GDPD1: variants seen among roughly 807,000 people sequenced by gnomAD.
The protein encoded by GDPD1 is lysophospholipase D GDPD1.
A neutral mutation model predicts 45.1 loss-of-function variants in GDPD1; 28 were observed. The ratio of observed to expected loss-of-function variants is 0.62; its 90% CI spans 0.46 to 0.85. The LOEUF (loss-of-function observed/expected upper bound fraction) is 0.85, where lower values mean the gene tolerates loss of function less well. GDPD1 is among the 40% of genes least tolerant of loss of function. The pLI is 0.00. For synonymous variants in GDPD1, 139 were observed against 131.4 expected, an observed-to-expected ratio of 1.06 and a Z score of -0.40; for missense variants, 256 against 364.8, an observed-to-expected ratio of 0.70 and a Z score of 2.43.
At chr17:59,265,739 A>C (rs2047393937) in intron 6 of GDPD1, among the ~76,000 whole-genome samples, 1 of 151,576 alleles carries the variant, frequency 6.6e-6, no homozygotes, top group East Asian at 1.9e-4. Context: ...ATCTACAAAA[A>C]ATACCAAAAA....
At chr17:59,237,990 C>T (rs1179318944) in intron 2 of GDPD1, among the ~76,000 whole-genome samples, 2 of 141,010 alleles carry the variant, frequency 1.4e-5, no homozygotes, top group South Asian at 2.3e-4. Flanking sequence ...AAAAAAAGGC[C>T]GGGCATGGTG....
At chr17:59,265,453 C>A (rs1354224247) in intron 6 of GDPD1, among the ~76,000 whole-genome samples, 1 of 151,886 alleles carries the variant, frequency 6.6e-6, no homozygotes, top group Non-Finnish European at 1.5e-5. Context: ...TGTGGGATCA[C>A]TTGAGCCTGG....
At chr17:59,243,445 G>A (rs1016331756) in intron 2 of GDPD1, among the ~76,000 whole-genome samples, 13 of 151,766 alleles carry the variant, frequency 8.6e-5, no homozygotes, top group Non-Finnish European at 1.3e-4. Flanking sequence ...TGGAGGTTGC[G>A]GTGAGCTGAG....
chr17:59,265,286 G>A (rs1224134819), intron 6 of GDPD1, among the ~76,000 whole-genome samples: 1 of 151,956 alleles, frequency 6.6e-6, no homozygotes, highest in African/African-American at 2.4e-5. Flanking sequence ...TGTCATTCCA[G>A]CACTTTGGGA....
At chr17:59,257,592 T>C (rs898162878) in intron 5 of GDPD1, among the ~76,000 whole-genome samples, 159 bp from the exon 6 acceptor site, 2 of 152,218 alleles carry the variant, frequency 1.3e-5, no homozygotes, top group Non-Finnish European at 2.9e-5. Context: ...TGTGAATAAA[T>C]TTTGCATTTT....
chr17:59,237,103 A>G (rs1051668212), intron 2 of GDPD1, among the ~76,000 whole-genome samples: 15 of 152,118 alleles, frequency 9.9e-5, no homozygotes, highest in African/African-American at 3.6e-4. Context: ...AAGACTGTTT[A>G]AACATACTAT....
rs71145540 is a variant in GDPD1 at position 59,229,122 on chromosome 17, G to GTTATTA, written c.143-5328_143-5323dup. 6.3e-3 allele frequency among the ~76,000 whole-genome samples: 840 copies of GTTATTA among 134,394 alleles called. 5 individuals carry two copies. Among genetic ancestry groups the GTTATTA allele is most frequent in the East Asian group, 9.1e-3 (42 of 4,592 alleles). The allele number at this position is 134,394 out of a possible 152,430, so 88.2% of individuals were successfully genotyped here. ...GGAAAAAAATTTTTTTCCTCAAATT[G>GTTATTA]TTATTATTATTATTATTATTATTAT... On this transcript the variant is annotated intron_variant, in intron 1 of 9. Coordinates refer to ENST00000284116, the MANE Select transcript of GDPD1 (RefSeq NM_182569.4).
intron 6 of GDPD1, among the ~76,000 whole-genome samples, chr17:59,262,916 C>T (rs2047368979): frequency 6.6e-6 from 1 of 152,136 alleles, no homozygotes; most frequent in South Asian, 2.1e-4. Flanking sequence ...GCATGAGCCA[C>T]CGTGCCCGGC....
At chr17:59,240,229 T>G (rs1405061586) in intron 2 of GDPD1, among the ~76,000 whole-genome samples, 2 of 151,418 alleles carry the variant, frequency 1.3e-5, no homozygotes, top group African/African-American at 2.4e-5. Context: ...GAGCGGAAGT[T>G]GCAGTGAGCC....
At chr17:59,247,693 A>G (rs555926266) in intron 3 of GDPD1, among the ~76,000 whole-genome samples, 3 of 151,840 alleles carry the variant, frequency 2.0e-5, no homozygotes, top group Admixed American at 1.3e-4. Context: ...GCAATGGCGC[A>G]ATCTTGGCTC....
intron 2 of GDPD1, among the ~76,000 whole-genome samples, chr17:59,239,909 T>A (rs531297978): frequency 1.3e-5 from 2 of 151,666 alleles, no homozygotes; most frequent in African/African-American, 4.8e-5. Flanking sequence ...ATTTTTCATA[T>A]TTTTTTTAGA....
chr17:59,240,067 C>A (rs2047163671), intron 2 of GDPD1, among the ~76,000 whole-genome samples: 1 of 152,124 alleles, frequency 6.6e-6, no homozygotes, highest in South Asian at 2.1e-4. Flanking sequence ...CCGAGGCGGG[C>A]AGATCAGGAG....
Position 59,263,210 on chromosome 17 carries a change from T to G in GDPD1, c.577-3831T>G, listed in dbSNP as rs186018597. Among the ~76,000 whole-genome samples, 18 of 152,194 alleles carry G rather than the reference T, an allele frequency of 1.2e-4. No individual in the cohort carries two copies. In the East Asian group the frequency reaches 3.5e-3, roughly 29 times the overall value. Reference sequence around the variant, plus strand: ...CCATGCCTGGCTAATTTTGAAATTTTTTGTAGAGATGGAGTCTCTCTGTAT... The same window carrying G: ...CCATGCCTGGCTAATTTTGAAATTTGTTGTAGAGATGGAGTCTCTCTGTAT... On this transcript the variant is annotated intron_variant, in intron 6 of 9. Transcript: ENST00000284116.
At chr17:59,257,623 A>T in intron 5 of GDPD1, 128 bp from the exon 6 acceptor site, 1 of 616,788 alleles carries the variant, frequency 1.6e-6, no homozygotes, top group Non-Finnish European at 2.9e-6. Context: ...CTAAATTTAC[A>T]TATTGATTCT....
chr17:59,266,788 C>A (rs2047402446), intron 6 of GDPD1, among the ~76,000 whole-genome samples: 1 of 152,064 alleles, frequency 6.6e-6, no homozygotes, highest in African/African-American at 2.4e-5. Context: ...AGTGGTATTG[C>A]AAAAGCAGAG....
At position 59,245,519 on chromosome 17, in the gene GDPD1, C is replaced by T; in HGVS notation, c.291C>T (p.Val97=). 1 of 1,609,608 alleles carries T rather than the reference C, an allele frequency of 6.2e-7. No individual in the cohort carries two copies. Among genetic ancestry groups the T allele is most frequent in the Non-Finnish European group, 8.5e-7 (1 of 1,176,782 alleles). ...HDENLKRATG[V]NVNISDLKYC... is the part of the protein sequence containing the mutation. ...AGAATCTAAAGAGAGCAACTGGGGT[C>T]AATGTAAACATCTCTGATCTCAAAT... Residue 97 remains valine, a synonymous_variant, in exon 3 of 10, where the codon GTC becomes GTT. Coordinates refer to ENST00000284116, the MANE Select transcript of GDPD1 (RefSeq NM_182569.4).
intron 7 of GDPD1, among the ~76,000 whole-genome samples, chr17:59,268,590 A>AG (rs2047418292): frequency 6.9e-6 from 1 of 144,518 alleles, no homozygotes; most frequent in Non-Finnish European, 1.5e-5. Context: ...AAAAAAAAAA[A>AG]AAAAAAAAAA....
At chr17:59,231,777 G>C (rs1427855931) in intron 1 of GDPD1, among the ~76,000 whole-genome samples, 2 of 152,016 alleles carry the variant, frequency 1.3e-5, no homozygotes, top group Non-Finnish European at 2.9e-5. Flanking sequence ...TGATGGTTCA[G>C]GGTACACAAA....
chr17:59,224,494 G>A (rs150139889), intron 1 of GDPD1, among the ~76,000 whole-genome samples: 3,622 of 151,882 alleles, frequency 0.024, 147 homozygotes, highest in African/African-American at 0.083. Context: ...GCGTGGTGGC[G>A]GGCGCCTGTA....
Sources: gnomAD v4.1 joint callset for allele counts (sites outside exome capture counted in the v4.1 genomes callset) on GRCh38, gnomAD v4.1.1 for gene constraint, MANE v1.5 for transcripts, NCBI Gene and HGNC (gene_info 2026-07-23, HGNC 2026-07-21) for gene names.